RBM26: variants seen among roughly 807,000 people sequenced by gnomAD.
The protein encoded by RBM26 is RNA binding motif protein 26, also known as RNA-binding protein 26.
Under a neutral mutation model 123.6 loss-of-function variants are expected in RBM26, and 30 were observed. The observed-to-expected ratio is 0.24, with a 90% CI of 0.18 to 0.33. The LOEUF (loss-of-function observed/expected upper bound fraction) is 0.33. Among genes scored for constraint, RBM26 ranks in the 10% least tolerant of loss-of-function variants. The pLI, the probability that RBM26 is intolerant of heterozygous loss-of-function variation, is 1.00. For synonymous variants in RBM26, 400 were observed against 404.4 expected, an observed-to-expected ratio of 0.99 and a Z score of 0.13; for missense variants, 947 against 1,203.6, an observed-to-expected ratio of 0.79 and a Z score of 3.15.
rs571209185 is a variant in RBM26 at position 79,336,722 on chromosome 13, T to A, written c.2733+380A>T. ...TTGTTTCAATACTGGGTCAGCTAGA[T>A]CAAGAATACATTTTTAACAAACACA... On this transcript the variant is annotated intron_variant, in intron 19 of 21. Coordinates refer to ENST00000438737, the MANE Select transcript of RBM26 (RefSeq NM_001366735.2). Among the ~76,000 whole-genome samples the A allele has an allele frequency of 4.6e-5, 7 of 152,320 alleles. No individual in the cohort carries two copies. The South Asian group carries it at 1.5e-3, about 32-fold the overall frequency.
chr13:79,331,799 A>G (rs2069467304), intron 20 of RBM26, among the ~76,000 whole-genome samples: 1 of 152,206 alleles, frequency 6.6e-6, no homozygotes, highest in South Asian at 2.1e-4. Context: ...TATTCAAATC[A>G]GTCATGGAAG....
chr13:79,362,490 G>C (rs1302136922), intron 9 of RBM26, among the ~76,000 whole-genome samples: 2 of 152,058 alleles, frequency 1.3e-5, no homozygotes, highest in African/African-American at 4.8e-5. Context: ...TTTCTCAAAA[G>C]TATCACAGGG....
At chr13:79,377,646 G>A in intron 2 of RBM26, 131 bp from the exon 3 acceptor site, 1 of 742,958 alleles carries the variant, frequency 1.3e-6, no homozygotes, top group Non-Finnish European at 2.1e-6. Context: ...ACTAGCACTG[G>A]CCAGGCGTGG....
intron 1 of RBM26, among the ~76,000 whole-genome samples, chr13:79,396,567 A>C (rs2078583386): frequency 3.3e-5 from 5 of 152,206 alleles, no homozygotes. Context: ...ATACCTACAC[A>C]GCCCTATACC....
chr13:79,366,584 A>C (rs2075291558), intron 7 of RBM26, 49 bp downstream of exon 7: 1 of 1,472,586 alleles, frequency 6.8e-7, no homozygotes, highest in African/African-American at 1.4e-5. Context: ...TTTTAAAAAT[A>C]GACTAAGAAT....
rs7994127 is a variant in RBM26, at chr13:79,372,693, A to C, written c.328-763T>G. Among the ~76,000 whole-genome samples, 674 of 140,362 alleles carry C rather than the reference A, an allele frequency of 4.8e-3. 5 individuals are homozygous for C. Among genetic ancestry groups the C allele is most frequent in the African/African-American group, 0.018 (631 of 35,800 alleles). The allele number at this position is 140,362 out of a possible 152,430, so 92.1% of individuals were successfully genotyped here. A position where few individuals can be genotyped will look rare whatever the true frequency, so the allele number is the denominator to read the frequency against. ...TACATACACACACACAAACATATAC[A>C]TGTTTATATATATAAATATATATTT... On this transcript the variant is annotated intron_variant, in intron 3 of 21. Coordinates refer to ENST00000438737, the MANE Select transcript of RBM26 (RefSeq NM_001366735.2).
At chr13:79,402,782 T>A (rs1342789998) in intron 1 of RBM26, among the ~76,000 whole-genome samples, 3 of 152,294 alleles carry the variant, frequency 2.0e-5, no homozygotes, top group Middle Eastern at 3.4e-3. Context: ...GGGAAGTGTT[T>A]CCTGATGTTC....
At chr13:79,364,741 C>T (rs2075079861) in intron 9 of RBM26, among the ~76,000 whole-genome samples, 1 of 150,592 alleles carries the variant, frequency 6.6e-6, no homozygotes, top group South Asian at 2.1e-4. Flanking sequence ...GTGACTATGT[C>T]AACCCAAATT....
intron 1 of RBM26, among the ~76,000 whole-genome samples, chr13:79,399,763 T>A (rs958812951): frequency 6.6e-6 from 1 of 152,072 alleles, no homozygotes; most frequent in African/African-American, 2.4e-5. Flanking sequence ...TACTAAGCAA[T>A]GTCAGTAAGG....
intron 14 of RBM26, among the ~76,000 whole-genome samples, chr13:79,350,178 C>T (rs888329360): frequency 2.0e-5 from 3 of 152,084 alleles, no homozygotes; most frequent in Non-Finnish European, 4.4e-5. Context: ...TTTAAAAGTT[C>T]CATGGTATAG....
intron 1 of RBM26, among the ~76,000 whole-genome samples, chr13:79,404,150 C>G (rs1296254422): frequency 6.6e-6 from 1 of 152,200 alleles, no homozygotes; most frequent in Non-Finnish European, 1.5e-5. Flanking sequence ...CCACAGACTT[C>G]ATACTTACTG....
At chr13:79,390,629 G>T (rs1330352134) in intron 1 of RBM26, among the ~76,000 whole-genome samples, 1 of 152,128 alleles carries the variant, frequency 6.6e-6, no homozygotes, top group Admixed American at 6.5e-5. Context: ...GTAAAGCATG[G>T]TATGCATGCT....
intron 5 of RBM26, 114 bp downstream of exon 5, chr13:79,370,831 G>T: frequency 8.9e-7 from 1 of 1,126,656 alleles, no homozygotes; most frequent in Non-Finnish European, 1.3e-6. Context: ...TTGGACCACA[G>T]AATACATCAT....
At position 79,377,280 on chromosome 13, in the gene RBM26, C is replaced by T. The variant is rs897975544; in HGVS notation, c.327+99G>A. ...AAAATCATTTAAACTGGGAGTGGTC[C>T]TGAGGACTCCAACACAAAGATATAG... On this transcript the variant is annotated intron_variant, in intron 3 of 21. Coordinates refer to ENST00000438737, the MANE Select transcript of RBM26 (RefSeq NM_001366735.2). 6.1e-6 allele frequency: 6 copies of T among 989,596 alleles called. No individual in the cohort carries two copies. The African/African-American group carries it at 9.6e-5, about 16-fold the overall frequency. The allele number at this position is 989,596 out of a possible 1,614,324, so 61.3% of individuals were successfully genotyped here.
In RBM26 at chr13:79,375,176, T is replaced by C. The variant is rs1343077417; in HGVS notation, c.327+2203A>G. 2.9e-5 allele frequency among the ~76,000 whole-genome samples: 4 copies of C among 137,316 alleles called. 1 individual carries two copies. Among genetic ancestry groups the C allele is most frequent in the Non-Finnish European group, 6.2e-5 (4 of 64,176 alleles). 90.1% of individuals were successfully genotyped at this position (137,316 alleles called of 152,430 possible). On this transcript the variant is annotated intron_variant, in intron 3 of 21. Transcript: ENST00000438737. Reference sequence around the variant, plus strand: ...TTCATATTTATATATATTATATATATATATTTTTTTTTTGAGACGGAGTTT... The same window carrying C: ...TTCATATTTATATATATTATATATACATATTTTTTTTTTGAGACGGAGTTT...
At chr13:79,324,955 G>A (rs2068149931) in intron 20 of RBM26, among the ~76,000 whole-genome samples, 1 of 151,838 alleles carries the variant, frequency 6.6e-6, no homozygotes, top group Non-Finnish European at 1.5e-5. Context: ...CATAAAGTCA[G>A]CCACCACAGA....
chr13:79,393,553 A>C (rs932411641), intron 1 of RBM26, among the ~76,000 whole-genome samples: 3 of 152,222 alleles, frequency 2.0e-5, no homozygotes, highest in Non-Finnish European at 4.4e-5. Flanking sequence ...TGACTTGAGT[A>C]CATTCCCTAC....
chr13:79,315,597 T>C (rs1251051277), downstream of RBM26, among the ~76,000 whole-genome samples: 1 of 151,722 alleles, frequency 6.6e-6, no homozygotes, highest in African/African-American at 2.4e-5. Context: ...AGTAGATGGA[T>C]GAAATAAACA....
At chr13:79,358,699 T>A (rs951080519) in intron 10 of RBM26, among the ~76,000 whole-genome samples, 2 of 152,186 alleles carry the variant, frequency 1.3e-5, no homozygotes, top group African/African-American at 4.8e-5. Context: ...CTACTTAACA[T>A]TCCTATCAGG....
Sources: gnomAD v4.1 joint callset for allele counts (sites outside exome capture counted in the v4.1 genomes callset) on GRCh38, gnomAD v4.1.1 for gene constraint, MANE v1.5 for transcripts, NCBI Gene and HGNC (gene_info 2026-07-23, HGNC 2026-07-21) for gene names.